ARRB1: variants seen among roughly 807,000 people sequenced by gnomAD.
The protein encoded by ARRB1 is arrestin beta 1.
ARRB1 carries 21 observed loss-of-function variants against 56.8 expected under a neutral mutation model. The ratio of observed to expected loss-of-function variants is 0.37; its 90% CI spans 0.26 to 0.53. The LOEUF (loss-of-function observed/expected upper bound fraction) is 0.53, where lower values mean the gene tolerates loss of function less well. ARRB1 is among the 20% of genes least tolerant of loss of function. The pLI, the probability that ARRB1 is intolerant of heterozygous loss-of-function variation, is 0.88. For missense variants in ARRB1, 424 were observed against 553.7 expected, an observed-to-expected ratio of 0.77 and a Z score of 2.35; for synonymous variants, 210 against 218.6, an observed-to-expected ratio of 0.96 and a Z score of 0.35.
At chr11:75,307,788 A>G (rs1947064629) in intron 1 of ARRB1, among the ~76,000 whole-genome samples, 2 of 151,710 alleles carry the variant, frequency 1.3e-5, no homozygotes, top group South Asian at 4.2e-4. Context: ...TGCCATATTT[A>G]TGTCAGCTGT....
chr11:75,287,261 G>A, intron 3 of ARRB1, 54 bp downstream of exon 3: 1 of 1,526,276 alleles, frequency 6.6e-7, no homozygotes, highest in Non-Finnish European at 8.9e-7. Flanking sequence ...ATTTCTGGGA[G>A]GCTTGGCCAG....
chr11:75,333,190 G>C (rs1201024680), intron 1 of ARRB1, among the ~76,000 whole-genome samples: 2 of 152,160 alleles, frequency 1.3e-5, no homozygotes, highest in Non-Finnish European at 2.9e-5. Flanking sequence ...ATTACAGCAG[G>C]TGCTAAGTGC....
At chr11:75,351,478 A>G in intron 1 of ARRB1, 110 bp downstream of exon 1, 2 of 1,449,334 alleles carry the variant, frequency 1.4e-6, no homozygotes, top group South Asian at 1.3e-5. Context: ...CTGGTACTAG[A>G]TCCCGCGGTG....
At chr11:75,324,250 C>T (rs539502248) in intron 1 of ARRB1, among the ~76,000 whole-genome samples, 8 of 152,352 alleles carry the variant, frequency 5.3e-5, no homozygotes, top group African/African-American at 1.4e-4. Flanking sequence ...TCTAGGGGAA[C>T]ATAGCACCAG....
chr11:75,310,636 T>C (rs1947136331), intron 1 of ARRB1, among the ~76,000 whole-genome samples: 1 of 152,178 alleles, frequency 6.6e-6, no homozygotes, highest in Non-Finnish European at 1.5e-5. Flanking sequence ...CACCTTCCTT[T>C]GGCTCACATT....
At chr11:75,311,072 C>T (rs1947144709) in intron 1 of ARRB1, among the ~76,000 whole-genome samples, 2 of 152,210 alleles carry the variant, frequency 1.3e-5, no homozygotes, top group African/African-American at 2.4e-5. Context: ...CGCGGTGGCT[C>T]ATGCCTGTAA....
intron 1 of ARRB1, among the ~76,000 whole-genome samples, chr11:75,324,223 C>T (rs921820857): frequency 2.6e-5 from 4 of 152,182 alleles, no homozygotes; most frequent in African/African-American, 9.7e-5. Context: ...GCTGTGTGCC[C>T]GCGCCCTCCC....
chr11:75,339,479 ATAG>A (rs1180983672), intron 1 of ARRB1, among the ~76,000 whole-genome samples: 2 of 152,242 alleles, frequency 1.3e-5, no homozygotes, highest in Non-Finnish European at 2.9e-5. Context: ...ATGCCGGCAC[ATAG>A]TAGGTTTCTC....
chr11:75,299,055 GC>G (rs1465825970), intron 1 of ARRB1, among the ~76,000 whole-genome samples: 3 of 151,790 alleles, frequency 2.0e-5, no homozygotes, highest in Non-Finnish European at 4.4e-5. Flanking sequence ...ATTAGTGGTT[GC>G]CAAGGGTTGA....
At chr11:75,343,403 T>G (rs1349116460) in intron 1 of ARRB1, among the ~76,000 whole-genome samples, 1 of 152,046 alleles carries the variant, frequency 6.6e-6, no homozygotes, top group East Asian at 1.9e-4. Flanking sequence ...CTCAAAAAAA[T>G]GAATCAAACA....
chr11:75,282,275 G>A lies in ARRB1; in HGVS notation c.355-254C>T, dbSNP rs996350402. On this transcript the variant is annotated intron_variant, in intron 5 of 15. Transcript: ENST00000420843. The stretch of plus-strand genomic sequence containing the variant: ...AATAGATCTTTCTATGATGTCTACT[G>A]TGGTTGGCAGAATAATGTTCCCCAA... 4 of 439,118 alleles carry A rather than the reference G, an allele frequency of 9.1e-6. No homozygotes were observed. In the Admixed American group the frequency reaches 1.6e-4, roughly 17 times the overall value. 27.2% of individuals were successfully genotyped at this position (439,118 alleles called of 1,614,324 possible). A position where few individuals can be genotyped will look rare whatever the true frequency, so the allele number is the denominator to read the frequency against.
chr11:75,260,522 C>G lies in ARRB1; in HGVS notation c.*5641G>C, dbSNP rs965645084. 2.6e-5 allele frequency: 4 copies of G among 152,218 alleles called. No homozygotes were observed. Among genetic ancestry groups the G allele is most frequent in the African/African-American group, 4.8e-5 (2 of 41,442 alleles). The allele number at this position is 152,218 out of a possible 1,614,324, so 9.4% of individuals were successfully genotyped here. ...ACCATACCCCGAGTTTGTGAGGCAC[C>G]CACCTCTCATACTCACCACCTCATA... On this transcript the variant is annotated 3_prime_UTR_variant, in exon 16 of 16. Coordinates refer to ENST00000420843, the MANE Select transcript of ARRB1 (RefSeq NM_004041.5).
intron 1 of ARRB1, among the ~76,000 whole-genome samples, chr11:75,301,159 C>G (rs961521132): frequency 2.0e-5 from 3 of 150,362 alleles, no homozygotes; most frequent in African/African-American, 7.3e-5. Context: ...AAAAAAAAAG[C>G]CTTCAAGGGA....
At chr11:75,350,857 G>A (rs992406139) in intron 1 of ARRB1, among the ~76,000 whole-genome samples, 1 of 152,186 alleles carries the variant, frequency 6.6e-6, no homozygotes, top group African/African-American at 2.4e-5. Context: ...GGCCTGAAGC[G>A]TGTGTGTCAG....
intron 1 of ARRB1, among the ~76,000 whole-genome samples, chr11:75,312,872 T>C (rs888698542): frequency 1.3e-5 from 2 of 152,206 alleles, no homozygotes; most frequent in Non-Finnish European, 2.9e-5. Context: ...CCGCTAGAGT[T>C]TCCAGAGGAC....
intron 1 of ARRB1, among the ~76,000 whole-genome samples, chr11:75,314,945 G>T (rs963726810): frequency 6.6e-6 from 1 of 152,122 alleles, no homozygotes; most frequent in African/African-American, 2.4e-5. Flanking sequence ...GGAGCACCTG[G>T]TTCAGTGCCC....
chr11:75,345,884 C>A (rs551088804), intron 1 of ARRB1, among the ~76,000 whole-genome samples: 2 of 152,292 alleles, frequency 1.3e-5, no homozygotes, highest in Admixed American at 1.3e-4. Context: ...CAGTCCAGTT[C>A]AGCAAACCTC....
chr11:75,338,854 ACCCTGGGG>A (rs1947652753), intron 1 of ARRB1, among the ~76,000 whole-genome samples: 1 of 152,198 alleles, frequency 6.6e-6, no homozygotes, highest in Admixed American at 6.5e-5. Flanking sequence ...TTCTCCCAGT[ACCCTGGGG>A]CAATAGAGAC....
At chr11:75,337,786 C>CTTTTTT (rs71036046) in intron 1 of ARRB1, among the ~76,000 whole-genome samples, 12 of 38,490 alleles carry the variant, frequency 3.1e-4, no homozygotes, top group Non-Finnish European at 4.8e-4. Context: ...ATTGAAATGT[C>CTTTTTT]TTTTTTTTTT....
Sources: allele counts gnomAD v4.1 joint callset (sites outside exome capture counted in the v4.1 genomes callset), GRCh38; gene constraint gnomAD v4.1.1; transcripts MANE v1.5; gene names NCBI Gene and HGNC (gene_info 2026-07-23, HGNC 2026-07-21).